BMP10: variants seen among roughly 807,000 people sequenced by gnomAD.
The protein encoded by BMP10 is bone morphogenetic protein 10.
In BMP10, 9 loss-of-function variants were observed where a neutral mutation model predicts 29.9. The ratio of observed to expected loss-of-function variants is 0.30; its 90% confidence interval spans 0.18 to 0.53. The LOEUF (loss-of-function observed/expected upper bound fraction) is 0.53, where lower values mean the gene tolerates loss of function less well. Ranked by LOEUF, BMP10 falls within the 20% of genes least tolerant of loss-of-function variation. The pLI is 0.96. For synonymous variants in BMP10, 202 were observed against 200.2 expected (o/e 1.01, Z -0.07); for missense variants, 474 against 524.3 (o/e 0.90, Z 0.94).
chr2:68,865,914 T>C lies in BMP10; in HGVS notation c.992A>G (p.Asp331Gly), dbSNP rs1682941611. Residue 331 changes from aspartate to glycine, a missense_variant, in exon 2 of 2, where the codon GAC (aspartate) becomes GGC (glycine). Asp to Gly is a moderately conservative substitution (Grantham distance 94). Transcript: ENST00000295379. The surrounding 1 kb of genome is among the most constrained non-coding windows in gnomAD (Gnocchi z 4.7). ...NYCKRTPLYI[D>G]FKEIGWDSWI... Reference sequence around the variant, plus strand: ...GGAGTCCCACCCAATCTCCTTGAAGTCGATGTAGAGCGGGGTCCTCTTACA... The same window carrying C: ...GGAGTCCCACCCAATCTCCTTGAAGCCGATGTAGAGCGGGGTCCTCTTACA... 1.2e-6 allele frequency: 2 copies of C among 1,614,056 alleles called. No homozygotes were observed. The highest frequency in any genetic ancestry group is 1.7e-6 in the Non-Finnish European group (2 of 1,179,990).
rs914206405 is a variant in BMP10, at chr2:68,861,032, A to G, written c.*4599T>C. ...ATTAAATACCTTACCTCAAGGAAAA[A>G]TAAGCTGCAAATAATTATCACCAAA... On this transcript the variant is annotated 3_prime_UTR_variant, in exon 2 of 2. Transcript: ENST00000295379. Among the ~76,000 whole-genome samples the G allele has an allele frequency of 1.3e-5, 2 of 152,234 alleles. No individual in the cohort carries two copies. Among genetic ancestry groups the G allele is most frequent in the South Asian group, 4.1e-4 (2 of 4,832 alleles).
rs1682845708 is a variant in BMP10 at position 68,861,061 on chromosome 2, A to T, written c.*4570T>A. On this transcript the variant is annotated 3_prime_UTR_variant, in exon 2 of 2. Transcript: ENST00000295379. ...GCTGCAAATAATTATCACCAAAATA[A>T]TTTTTTTATTTTACTTAAAAAGACT... Among the ~76,000 whole-genome samples, 1 of 152,190 alleles carries T rather than the reference A, an allele frequency of 6.6e-6. No individual in the cohort carries two copies. Among genetic ancestry groups the T allele is most frequent in the Non-Finnish European group, 1.5e-5 (1 of 68,024 alleles).
chr2:68,867,954 A>C (rs1200195905), intron 1 of BMP10, among the ~76,000 whole-genome samples: 2 of 152,162 alleles, frequency 1.3e-5, no homozygotes, highest in Non-Finnish European at 2.9e-5. Flanking sequence ...CAATAATTTC[A>C]CATGATTAAT....
At chr2:68,868,251 CT>C (rs1333853361) in intron 1 of BMP10, among the ~76,000 whole-genome samples, 1 of 152,036 alleles carries the variant, frequency 6.6e-6, no homozygotes, top group African/African-American at 2.4e-5. Context: ...CAATTTTCAC[CT>C]TTTCACATGT....
intron 1 of BMP10, among the ~76,000 whole-genome samples, chr2:68,866,899 G>A (rs543448446): frequency 6.6e-6 from 1 of 152,248 alleles, no homozygotes; most frequent in South Asian, 2.1e-4. Flanking sequence ...GAGATTGTGT[G>A]GGCAAGTCCC....
chr2:68,867,271 T>G (rs748989126), intron 1 of BMP10, among the ~76,000 whole-genome samples: 4 of 152,216 alleles, frequency 2.6e-5, no homozygotes, highest in Non-Finnish European at 4.4e-5. Flanking sequence ...ATAGTTATTA[T>G]CTGTCTGGCC....
Position 68,866,005 on chromosome 2 carries a change from G to T in BMP10, c.901C>A (p.Gln301Lys), listed in dbSNP as rs1476403796. The T allele has an allele frequency of 1.2e-6, 2 of 1,613,942 alleles. No individual in the cohort carries two copies. Among genetic ancestry groups the T allele is most frequent in the African/African-American group, 1.3e-5 (1 of 74,900 alleles). The change falls in exon 2 of 2, where the codon CAG (glutamine) becomes AAG (lysine). Residue 301 changes from glutamine (Q) to lysine (K), a missense_variant. Physicochemically the swap from Gln to Lys is moderately conservative, Grantham distance 53 (BLOSUM62 1). Around this residue, in one of 2 missense-constraint regions of BMP10, gnomAD observed 408 missense variants for 415.3 expected, o/e 0.98. Coordinates refer to ENST00000295379, the MANE Select transcript of BMP10 (RefSeq NM_014482.3). Reference sequence around the variant, plus strand: ...TCATAGATGATGTTTGATCTCATCTGCAACAAAGCCTCTTCCCCAGGTCCA... The same window carrying T: ...TCATAGATGATGTTTGATCTCATCTTCAACAAAGCCTCTTCCCCAGGTCCA... The part of the protein sequence containing the change: ...SSGPGEEALL[Q>K]MRSNIIYDST...
At position 68,864,164 on chromosome 2, in the gene BMP10, G is replaced by C. The variant is rs918811974; in HGVS notation, c.*1467C>G. On this transcript the variant is annotated 3_prime_UTR_variant, in exon 2 of 2. Transcript: ENST00000295379. Reference sequence around the variant, plus strand: ...CAGTTGCAAAATGGGAAGATGGTAAGATGAGAAGATGGGAAAGTTACTGGG... The same window carrying C: ...CAGTTGCAAAATGGGAAGATGGTAACATGAGAAGATGGGAAAGTTACTGGG... Among the ~76,000 whole-genome samples, 2 of 152,206 alleles carry C rather than the reference G, an allele frequency of 1.3e-5. No individual in the cohort carries two copies. The highest frequency in any genetic ancestry group is 4.8e-5 in the African/African-American group (2 of 41,446).
chr2:68,861,002 G>A lies in BMP10; in HGVS notation c.*4629C>T, dbSNP rs1682844541. ...AGAAACATGAAAAAGTGGGGAGTGT[G>A]CAAAATTAAATACCTTACCTCAAGG... On this transcript the variant is annotated 3_prime_UTR_variant, in exon 2 of 2. Coordinates refer to ENST00000295379, the MANE Select transcript of BMP10 (RefSeq NM_014482.3). 6.6e-6 allele frequency among the ~76,000 whole-genome samples: 1 copy of A among 152,134 alleles called. No homozygotes were observed. Among genetic ancestry groups the A allele is most frequent in the Non-Finnish European group, 1.5e-5 (1 of 68,030 alleles).
Position 68,865,413 on chromosome 2 carries a change from G to A in BMP10, c.*218C>T. 1 of 555,626 alleles carries A rather than the reference G, an allele frequency of 1.8e-6. No individual in the cohort carries two copies. 34.4% of individuals were successfully genotyped at this position (555,626 alleles called of 1,614,324 possible). A position where few individuals can be genotyped will look rare whatever the true frequency, so the allele number is the denominator to read the frequency against. ...TAGGGGTTGTTTTCAAATCAACAGG[G>A]AGGTGGCATTGCCAGGAAATGGCAA... On this transcript the variant is annotated 3_prime_UTR_variant, in exon 2 of 2. Coordinates refer to ENST00000295379, the MANE Select transcript of BMP10 (RefSeq NM_014482.3). The surrounding 1 kb of genome is among the most constrained non-coding windows in gnomAD (Gnocchi z 4.7).
Position 68,865,925 on chromosome 2 carries a change from C to A in BMP10, c.981G>T (p.Pro327=), listed in dbSNP as rs150482985. The A allele has an allele frequency of 1.2e-6, 2 of 1,614,034 alleles. No homozygotes were observed. Among genetic ancestry groups the A allele is most frequent in the Middle Eastern group, 1.6e-4 (1 of 6,062 alleles). Residue 327 remains proline, a synonymous_variant, in exon 2 of 2, where the codon CCG becomes CCT. Coordinates refer to ENST00000295379, the MANE Select transcript of BMP10 (RefSeq NM_014482.3). This position sits in a 1 kb window ranked among gnomAD's most constrained non-coding sequence, Gnocchi z 4.7. ...CAATCTCCTTGAAGTCGATGTAGAG[C>A]GGGGTCCTCTTACAGTAGTTTCCTT... ...NAKGNYCKRT[P]LYIDFKEIGW...
In BMP10 at chr2:68,866,088, A is replaced by C. The variant is rs1486696884; in HGVS notation, c.818T>G (p.Met273Arg). 1 of 1,613,952 alleles carries C rather than the reference A, an allele frequency of 6.2e-7. No homozygotes were observed. Among genetic ancestry groups the C allele is most frequent in the Non-Finnish European group, 8.5e-7 (1 of 1,179,988 alleles). ...CTCTGGAAGTTGCTCATGGGAAATC[A>C]TTTCATTCAGTTCCTCCTTCCTCTC... is the stretch of plus-strand genomic sequence containing the variant. ...DKERKEELNEMISHEQLPELD... is the reference protein window; with the variant it reads ...DKERKEELNERISHEQLPELD... Residue 273 changes from methionine (M) to arginine (R), a missense_variant, in exon 2 of 2, where the codon ATG (methionine) becomes AGG (arginine). This residue lies in a region of BMP10 where 408 missense variants were observed against 415.3 expected (regional missense o/e 0.98). Coordinates refer to ENST00000295379, the MANE Select transcript of BMP10 (RefSeq NM_014482.3).
rs946719346 is a variant in BMP10, at chr2:68,861,790, A to T, written c.*3841T>A. 6.6e-6 allele frequency among the ~76,000 whole-genome samples: 1 copy of T among 151,812 alleles called. No individual in the cohort carries two copies. Among genetic ancestry groups the T allele is most frequent in the African/African-American group, 2.4e-5 (1 of 41,446 alleles). On this transcript the variant is annotated 3_prime_UTR_variant, in exon 2 of 2. Transcript: ENST00000295379. ...ATAACAAATACTGAAACATTTAGTA[A>T]CAGTTCTTAAAAAAAAAAGGTTTTT...
intron 1 of BMP10, among the ~76,000 whole-genome samples, chr2:68,869,820 C>T (rs938031282): frequency 6.6e-6 from 1 of 152,220 alleles, no homozygotes; most frequent in Admixed American, 6.5e-5. Flanking sequence ...GGAATACCTA[C>T]TCAACATTTA....
chr2:68,869,563 C>T (rs1426841941), intron 1 of BMP10, among the ~76,000 whole-genome samples: 3 of 152,128 alleles, frequency 2.0e-5, no homozygotes, highest in Non-Finnish European at 2.9e-5. Flanking sequence ...GAACGGAAAA[C>T]GTTTCTAGTT....
intron 1 of BMP10, among the ~76,000 whole-genome samples, chr2:68,867,948 A>G (rs891694921): frequency 7.2e-5 from 11 of 152,216 alleles, no homozygotes; most frequent in Admixed American, 1.3e-4. Flanking sequence ...AATATACAAT[A>G]ATTTCACATG....
Position 68,871,331 on chromosome 2 carries a change from C to T in BMP10, c.28G>A (p.Ala10Thr), listed in dbSNP as rs148493775. The change falls in exon 1 of 2, where the codon GCT becomes ACT. Residue 10 changes from alanine (A) to threonine (T), a missense_variant. By Grantham distance (58) the Ala-to-Thr change is moderately conservative (BLOSUM62 0). Coordinates refer to ENST00000295379, the MANE Select transcript of BMP10 (RefSeq NM_014482.3). MGSLVLTLC[A>T]LFCLAAYLVS... The stretch of plus-strand genomic sequence containing the variant: ...AAGTAAGCTGCCAGGCAGAAAAGAG[C>T]GCACAGTGTCAGGACCAGAGAGCCC... 1.9e-4 allele frequency: 302 copies of T among 1,614,044 alleles called. No homozygotes were observed. The highest frequency in any genetic ancestry group is 3.9e-4 in the African/African-American group (29 of 75,022).
rs1219699153 is a variant in BMP10, at chr2:68,863,538, C to T, written c.*2093G>A. Among the ~76,000 whole-genome samples, 1 of 152,198 alleles carries T rather than the reference C, an allele frequency of 6.6e-6. No homozygotes were observed. Among genetic ancestry groups the T allele is most frequent in the African/African-American group, 2.4e-5 (1 of 41,442 alleles). On this transcript the variant is annotated 3_prime_UTR_variant, in exon 2 of 2. Coordinates refer to ENST00000295379, the MANE Select transcript of BMP10 (RefSeq NM_014482.3). ...GCGTGGTTATTCAAAGCCAGCTATA[C>T]ATCACACACACATACACACATCATG...
intron 1 of BMP10, 32 bp from the exon 2 acceptor site, chr2:68,866,603 G>C (rs1258969480): frequency 6.4e-7 from 1 of 1,557,612 alleles, no homozygotes; most frequent in Non-Finnish European, 8.7e-7. Flanking sequence ...AATCAGGTTT[G>C]CAGTGGGTCT....
Sources: gnomAD v4.1 joint callset for allele counts (sites outside exome capture counted in the v4.1 genomes callset) on GRCh38, gnomAD v4.1.1 for gene constraint, gnomAD v4.1.1 regional missense constraint, Gnocchi (gnomAD v3.1) non-coding constraint, MANE v1.5 for transcripts, NCBI Gene and HGNC (gene_info 2026-07-23, HGNC 2026-07-21) for gene names.